Variants in ABI3BP observed in about 807,000 individuals in gnomAD.
ABI3BP encodes target of Nesh-SH3.
ABI3BP carries 216 observed loss-of-function variants against 268.6 expected under a neutral mutation model. The observed-to-expected ratio is 0.80, with a 90% CI of 0.72 to 0.90. ABI3BP has a LOEUF of 0.90. Ranked by LOEUF, ABI3BP falls within the 40% of genes least tolerant of loss-of-function variation. The probability of loss-of-function intolerance (pLI) is 0.00; values close to 1 mark genes in which losing one functional copy is unlikely to be tolerated. For synonymous variants in ABI3BP, 730 were observed against 730.0 expected (o/e 1.00, Z 0.00); for missense variants, 2,090 against 2,182.4 (o/e 0.96, Z 0.84).
intron 6 of ABI3BP, among the ~76,000 whole-genome samples, chr3:100,879,382 C>A (rs2099201982): frequency 6.6e-6 from 1 of 152,190 alleles, no homozygotes; most frequent in Admixed American, 6.5e-5. Context: ...CCTCTATTTG[C>A]CCTACATCTC....
chr3:100,949,414 C>T (rs957877180), intron 1 of ABI3BP, among the ~76,000 whole-genome samples: 1 of 152,146 alleles, frequency 6.6e-6, no homozygotes, highest in African/African-American at 2.4e-5. Context: ...CAACACCATG[C>T]ATGGCTCTTT....
At chr3:100,910,545 T>A (rs938934634) in intron 2 of ABI3BP, among the ~76,000 whole-genome samples, 19 of 151,846 alleles carry the variant, frequency 1.3e-4, no homozygotes, top group African/African-American at 4.3e-4. Context: ...TTCCTTTTTT[T>A]TTAAAAAAAA....
chr3:100,816,661 A>T, intron 43 of ABI3BP, 27 bp downstream of exon 43: 1 of 1,518,540 alleles, frequency 6.6e-7, no homozygotes, highest in Non-Finnish European at 8.8e-7. Flanking sequence ...TTCCTTGGCT[A>T]CTTAAGCCAA....
At chr3:100,925,379 G>C (rs1357487040) in intron 2 of ABI3BP, among the ~76,000 whole-genome samples, 2 of 151,908 alleles carry the variant, frequency 1.3e-5, no homozygotes, top group African/African-American at 4.8e-5. Flanking sequence ...GCCTTTAAAA[G>C]TATTCACAAC....
chr3:100,958,355 C>T (rs1019024520), intron 1 of ABI3BP, among the ~76,000 whole-genome samples: 2 of 152,180 alleles, frequency 1.3e-5, no homozygotes, highest in Admixed American at 1.3e-4. Flanking sequence ...CCTTTGCTGC[C>T]TTGCTTCATT....
At chr3:100,798,360 T>TC (rs2152281332) in intron 51 of ABI3BP, among the ~76,000 whole-genome samples, 1 of 152,284 alleles carries the variant, frequency 6.6e-6, no homozygotes, top group African/African-American at 2.4e-5. Flanking sequence ...TGAATCATTC[T>TC]CCTACTTGGT....
intron 6 of ABI3BP, among the ~76,000 whole-genome samples, chr3:100,885,329 T>C (rs1157885038): frequency 6.6e-6 from 1 of 152,076 alleles, no homozygotes; most frequent in African/African-American, 2.4e-5. Context: ...CTTAGAATTT[T>C]AGAACTTCAA....
intron 1 of ABI3BP, among the ~76,000 whole-genome samples, chr3:100,937,228 A>G (rs1317344433): frequency 1.3e-5 from 2 of 152,090 alleles, no homozygotes; most frequent in African/African-American, 4.8e-5. Flanking sequence ...GTACATCTGG[A>G]ACCTTCATAC....
intron 3 of ABI3BP, among the ~76,000 whole-genome samples, chr3:100,902,338 G>A (rs899872714): frequency 6.6e-6 from 1 of 152,108 alleles, no homozygotes; most frequent in African/African-American, 2.4e-5. Context: ...TAATCCTCAA[G>A]GACAACCCTA....
intron 24 of ABI3BP, 118 bp downstream of exon 24, chr3:100,839,451 A>C: frequency 9.0e-7 from 1 of 1,106,250 alleles, no homozygotes; most frequent in African/African-American, 1.6e-5. Flanking sequence ...AAGGTGAGGA[A>C]AAGCGTGGGA....
Position 100,821,116 on chromosome 3 carries a change from G to A in ABI3BP, c.2888-3C>T. The A allele has an allele frequency of 1.3e-6, 2 of 1,535,212 alleles. No individual in the cohort carries two copies. The highest frequency in any genetic ancestry group is 1.7e-6 in the Non-Finnish European group (2 of 1,146,224). On this transcript the variant is annotated splice_polypyrimidine_tract_variant and splice_region_variant and intron_variant, in intron 38 of 67. Transcript: ENST00000471714. The stretch of plus-strand genomic sequence containing the variant: ...AGGTTTGAGCTCCGCAGTAGGAACT[G>A]ATCAAAAGCATTAAAATTAACCAAA...
Position 100,829,640 on chromosome 3 carries a change from T to C in ABI3BP, c.2483A>G (p.His828Arg), listed in dbSNP as rs36077176. 0.19 allele frequency: 294,846 copies of C among 1,534,552 alleles called. 31,077 individuals are homozygous for C. The highest frequency in any genetic ancestry group is 0.27 in the South Asian group (22,415 of 83,978). ...TAAPKVPQRTHRPHPKPKTTL... is the reference protein window; with the variant it reads ...TAAPKVPQRTRRPHPKPKTTL... ...GGTTTTAGGTTTGGGATGTGGACGA[T>C]GAGTTCGTTGAGGCACTTTGGGAGC... Residue 828 changes from histidine to arginine, a missense_variant, in exon 33 of 68, where the codon CAT becomes CGT. By Grantham distance (29) the His-to-Arg change is conservative (BLOSUM62 0). Coordinates refer to ENST00000471714, the MANE Select transcript of ABI3BP (RefSeq NM_001375547.2).
At chr3:100,980,767 T>G (rs1167844649) in intron 1 of ABI3BP, among the ~76,000 whole-genome samples, 3 of 152,206 alleles carry the variant, frequency 2.0e-5, no homozygotes, top group Non-Finnish European at 4.4e-5. Flanking sequence ...GGATCACCAT[T>G]TCTTGGGCAC....
intron 29 of ABI3BP, among the ~76,000 whole-genome samples, chr3:100,833,846 A>C (rs1478703072): frequency 6.6e-6 from 1 of 152,184 alleles, no homozygotes; most frequent in Non-Finnish European, 1.5e-5. Context: ...AACTAAAAGA[A>C]CTTTGCCTTT....
intron 1 of ABI3BP, 120 bp downstream of exon 1, chr3:100,993,186 A>C: frequency 2.9e-6 from 2 of 683,992 alleles, no homozygotes; most frequent in Non-Finnish European, 4.7e-6. Context: ...TTGAACTTTG[A>C]ATCTCTGCAG....
Position 100,816,695 on chromosome 3 carries a change from G to C in ABI3BP, c.3222C>G (p.Asn1074Lys). ...KTTSSPEVPQNKSVSVTGFEP... is the reference protein window; with the variant it reads ...KTTSSPEVPQKKSVSVTGFEP... ...AAGGATTCATACATTTACCCGATTT[G>C]TTCTGAGGTACTTCAGGACTTGATG... Residue 1074 changes from asparagine to lysine, a missense_variant, in exon 43 of 68, where the codon AAC (asparagine) becomes AAG (lysine). Coordinates refer to ENST00000471714, the MANE Select transcript of ABI3BP (RefSeq NM_001375547.2). 6.5e-7 allele frequency: 1 copy of C among 1,535,742 alleles called. No homozygotes were observed. Among genetic ancestry groups the C allele is most frequent in the Non-Finnish European group, 8.7e-7 (1 of 1,146,558 alleles).
intron 65 of ABI3BP, 85 bp from the exon 66 acceptor site, chr3:100,753,033 G>C: frequency 7.6e-7 from 1 of 1,313,264 alleles, no homozygotes; most frequent in Non-Finnish European, 1.0e-6. Flanking sequence ...TTGTCAACTT[G>C]CTGATACCTT....
Position 100,866,964 on chromosome 3 carries a change from G to A in ABI3BP, c.911-8C>T. 1 of 1,612,148 alleles carries A rather than the reference G, an allele frequency of 6.2e-7. No individual in the cohort carries two copies. The highest frequency in any genetic ancestry group is 1.7e-4 in the Middle Eastern group (1 of 6,060). ...CCAAGGTTTCATTCTTAGCTAAAAA[G>A]TCAGAGAACAAACAATTTATCTCAC... On this transcript the variant is annotated splice_polypyrimidine_tract_variant and splice_region_variant and intron_variant, in intron 9 of 67. Coordinates refer to ENST00000471714, the MANE Select transcript of ABI3BP (RefSeq NM_001375547.2).
chr3:100,761,755 G>T (rs1994085), intron 63 of ABI3BP, among the ~76,000 whole-genome samples: 34,446 of 151,928 alleles, frequency 0.23, 4,862 homozygotes, highest in East Asian at 0.51. Flanking sequence ...GTTTCTCCTG[G>T]GTTAAGTGTT....
Sources: gnomAD v4.1 joint callset for allele counts (sites outside exome capture counted in the v4.1 genomes callset) on GRCh38, gnomAD v4.1.1 for gene constraint, MANE v1.5 for transcripts, NCBI Gene and HGNC (gene_info 2026-07-23, HGNC 2026-07-21) for gene names.